The following HSD17B4 variants were observed in gnomAD, a reference collection of about 807,000 sequenced individuals.
HSD17B4 encodes peroxisomal multifunctional enzyme type 2.
A neutral mutation model predicts 101.0 loss-of-function variants in HSD17B4; 70 were observed. The ratio of observed to expected loss-of-function variants is 0.69; its 90% CI spans 0.57 to 0.85. The LOEUF is 0.85. Ranked by LOEUF, HSD17B4 falls within the 40% of genes least tolerant of loss-of-function variation. HSD17B4 has a pLI of 0.00. For missense variants in HSD17B4, 984 were observed against 892.4 expected (o/e 1.10, Z -1.31); for synonymous variants, 347 against 297.1 (o/e 1.17, Z -1.73).
At chr5:119,487,815 G>A (rs896694921) in intron 8 of HSD17B4, among the ~76,000 whole-genome samples, 4 of 152,090 alleles carry the variant, frequency 2.6e-5, no homozygotes, top group African/African-American at 9.7e-5. Flanking sequence ...GGAATGTTAT[G>A]TATTGAGATG....
chr5:119,527,209 T>C lies in HSD17B4; in HGVS notation c.1757T>C (p.Phe586Ser). 1.3e-6 allele frequency: 2 copies of C among 1,597,668 alleles called. No homozygotes were observed. Among genetic ancestry groups the C allele is most frequent in the African/African-American group, 1.3e-5 (1 of 74,646 alleles). The stretch of plus-strand genomic sequence containing the variant: ...TGGAAGGAAGGAAACAGAATTCATT[T>C]TCAAACCAAGGTATGAATTTTGCTT... ...EMWKEGNRIH[F>S]QTKVQETGDI... The change falls in exon 20 of 24, where the codon TTT (phenylalanine) becomes TCT (serine). Residue 586 changes from phenylalanine to serine, a missense_variant. Phe to Ser is a radical substitution (Grantham distance 155, BLOSUM62 -2). Transcript: ENST00000510025.
At chr5:119,539,807 A>G (rs1561496985) in intron 23 of HSD17B4, among the ~76,000 whole-genome samples, 1 of 151,690 alleles carries the variant, frequency 6.6e-6, no homozygotes, top group East Asian at 1.9e-4. Flanking sequence ...AAATTGGTAT[A>G]GGCCAGGGAC....
At chr5:119,510,055 C>T (rs1254547354) in intron 16 of HSD17B4, among the ~76,000 whole-genome samples, 1 of 152,054 alleles carries the variant, frequency 6.6e-6, no homozygotes, top group Admixed American at 6.6e-5. Flanking sequence ...CTTATATTAC[C>T]ATATATGTAA....
intron 8 of HSD17B4, among the ~76,000 whole-genome samples, chr5:119,482,905 T>C (rs1749272553): frequency 6.6e-6 from 1 of 151,964 alleles, no homozygotes; most frequent in Non-Finnish European, 1.5e-5. Flanking sequence ...GCCTTTTTTT[T>C]TTTCTTTTTT....
intron 2 of HSD17B4, 41 bp from the exon 3 acceptor site, chr5:119,473,867 C>T (rs1748294510): frequency 8.6e-7 from 1 of 1,156,760 alleles, no homozygotes; most frequent in East Asian, 2.3e-5. Flanking sequence ...TTTTGAAAGT[C>T]TAGAATAATT....
At chr5:119,539,199 A>G (rs1324849979) in intron 23 of HSD17B4, among the ~76,000 whole-genome samples, 3 of 152,218 alleles carry the variant, frequency 2.0e-5, no homozygotes, top group Non-Finnish European at 2.9e-5. Context: ...AAGTCCATCA[A>G]TGATAGACTG....
intron 17 of HSD17B4, among the ~76,000 whole-genome samples, chr5:119,522,798 T>A (rs1053751800): frequency 6.6e-6 from 1 of 152,180 alleles, no homozygotes; most frequent in African/African-American, 2.4e-5. Context: ...TCCCCGAAAG[T>A]GATACCTTTC....
intron 14 of HSD17B4, among the ~76,000 whole-genome samples, chr5:119,505,026 T>C (rs1471021540): frequency 6.6e-6 from 1 of 152,206 alleles, no homozygotes; most frequent in Non-Finnish European, 1.5e-5. Flanking sequence ...CCATTCCCTA[T>C]ATTTGTCAAC....
At chr5:119,497,399 G>T (rs920055694) in intron 12 of HSD17B4, among the ~76,000 whole-genome samples, 1 of 152,164 alleles carries the variant, frequency 6.6e-6, no homozygotes, top group Non-Finnish European at 1.5e-5. Flanking sequence ...ATGTATGCCT[G>T]CCTGGACTGT....
intron 20 of HSD17B4, among the ~76,000 whole-genome samples, chr5:119,528,975 A>G (rs2126886644): frequency 6.6e-6 from 1 of 152,196 alleles, no homozygotes; most frequent in Admixed American, 6.6e-5. Flanking sequence ...AGTGTTTTAA[A>G]ATGATTTGCT....
chr5:119,478,948 G>T lies in HSD17B4; in HGVS notation c.549G>T (p.Arg183Ser). 6.2e-7 allele frequency: 1 copy of T among 1,613,694 alleles called. No individual in the cohort carries two copies. Among genetic ancestry groups the T allele is most frequent in the Non-Finnish European group, 8.5e-7 (1 of 1,179,720 alleles). ...CAAATTCTCTTGCAATTGAAGGCAG[G>T]AAAAGCAACATTCATTGTAACACCA... ...GLANSLAIEG[R>S]KSNIHCNTIA... The change falls in exon 8 of 24, where the codon AGG (arginine) becomes AGT (serine). Residue 183 changes from arginine to serine, a missense_variant. Transcript: ENST00000510025.
chr5:119,486,593 C>G (rs1468806191), intron 8 of HSD17B4, among the ~76,000 whole-genome samples: 1 of 152,068 alleles, frequency 6.6e-6, no homozygotes, highest in African/African-American at 2.4e-5. Context: ...TCTTTCCATG[C>G]AATTTTAGGG....
At chr5:119,474,310 T>C in intron 3 of HSD17B4, 91 bp from the exon 4 acceptor site, 2 of 813,468 alleles carry the variant, frequency 2.5e-6, no homozygotes, top group South Asian at 2.7e-5. Context: ...GTTGGGTGAA[T>C]AGTATTTGTC....
At chr5:119,475,211 T>C (rs1748468833) in intron 4 of HSD17B4, among the ~76,000 whole-genome samples, 1 of 152,114 alleles carries the variant, frequency 6.6e-6, no homozygotes, top group Non-Finnish European at 1.5e-5. Flanking sequence ...ACAAGAGGGT[T>C]GAACCTTAAA....
intron 14 of HSD17B4, among the ~76,000 whole-genome samples, chr5:119,503,865 T>C (rs1331109485): frequency 6.6e-6 from 1 of 152,134 alleles, no homozygotes; most frequent in African/African-American, 2.4e-5. Flanking sequence ...TGCTAAACTT[T>C]GGGATATGAA....
chr5:119,468,710 G>A (rs1264635573), intron 2 of HSD17B4, among the ~76,000 whole-genome samples: 3 of 151,776 alleles, frequency 2.0e-5, no homozygotes, highest in Admixed American at 1.3e-4. Flanking sequence ...GCCCAACTTC[G>A]CTCCTTCTGT....
At chr5:119,454,820 C>T (rs1207917353) in intron 1 of HSD17B4, among the ~76,000 whole-genome samples, 1 of 151,994 alleles carries the variant, frequency 6.6e-6, no homozygotes, top group Non-Finnish European at 1.5e-5. Flanking sequence ...CGGGGTTTCA[C>T]CCTGTTGGCC....
intron 17 of HSD17B4, among the ~76,000 whole-genome samples, chr5:119,521,830 TAC>T (rs745538997): frequency 1.3e-5 from 2 of 152,024 alleles, no homozygotes; most frequent in Non-Finnish European, 2.9e-5. Flanking sequence ...AGTGTTTTGT[TAC>T]AGTTTTCTTC....
intron 23 of HSD17B4, among the ~76,000 whole-genome samples, chr5:119,538,119 C>A (rs1222291564): frequency 6.6e-6 from 1 of 152,160 alleles, no homozygotes; most frequent in South Asian, 2.1e-4. Context: ...GTCAAACTTA[C>A]TGTGACCAAA....
Sources: allele counts gnomAD v4.1 joint callset (sites outside exome capture counted in the v4.1 genomes callset), GRCh38; gene constraint gnomAD v4.1.1; transcripts MANE v1.5; gene names NCBI Gene and HGNC (gene_info 2026-07-23, HGNC 2026-07-21).